Variants in DNMBP observed in about 807,000 individuals in gnomAD.
DNMBP encodes the protein dynamin-binding protein.
In DNMBP, 87 loss-of-function variants were observed where a neutral mutation model predicts 150.0. That is an observed-to-expected ratio of 0.58 (90% CI 0.49 to 0.69). DNMBP has a LOEUF of 0.69. Ranked by LOEUF, DNMBP falls within the 30% of genes least tolerant of loss-of-function variation. The pLI is 0.00. For synonymous variants in DNMBP, 711 were observed against 750.4 expected, an observed-to-expected ratio of 0.95 and a Z score of 0.86; for missense variants, 1,774 against 1,949.0, an observed-to-expected ratio of 0.91 and a Z score of 1.69.
At chr10:99,929,000 C>A (rs1337935569) in intron 4 of DNMBP, among the ~76,000 whole-genome samples, 1 of 151,828 alleles carries the variant, frequency 6.6e-6, no homozygotes, top group Non-Finnish European at 1.5e-5. Flanking sequence ...AAAAAGTAGC[C>A]GGGCATGGTG....
rs1459115509 is a variant in DNMBP at position 99,884,157 on chromosome 10, T to C, written c.3851A>G (p.Tyr1284Cys). ...EELRASLLAR[Y>C]PPEKLFQAER... ...TGCCTGGAAGAGTTTTTCAGGGGGATACCTGGCCAGGAGGGAGGCCCGGAG... is the reference window on the plus strand; with the variant it reads ...TGCCTGGAAGAGTTTTTCAGGGGGACACCTGGCCAGGAGGGAGGCCCGGAG... Residue 1284 changes from tyrosine to cysteine, a missense_variant, in exon 15 of 17, where the codon TAT (tyrosine) becomes TGT (cysteine). Transcript: ENST00000324109. The C allele has an allele frequency of 6.8e-6, 11 of 1,614,110 alleles. No individual in the cohort carries two copies. Among genetic ancestry groups the C allele is most frequent in the Non-Finnish European group, 9.3e-6 (11 of 1,180,036 alleles).
At chr10:99,973,276 C>T (rs2040697264) in intron 1 of DNMBP, among the ~76,000 whole-genome samples, 1 of 151,962 alleles carries the variant, frequency 6.6e-6, no homozygotes, top group Admixed American at 6.6e-5. Context: ...ATTTGGACCG[C>T]AAAGGAATTC....
chr10:99,878,462 A>G (rs2039309495), intron 16 of DNMBP, among the ~76,000 whole-genome samples: 1 of 152,152 alleles, frequency 6.6e-6, no homozygotes, highest in South Asian at 2.1e-4. Flanking sequence ...GTCTATAATA[A>G]CTGTCTGCTT....
At chr10:99,909,189 AGCAG>A in intron 4 of DNMBP, 43 bp from the exon 5 acceptor site, 2 of 1,522,400 alleles carry the variant, frequency 1.3e-6, no homozygotes, top group Non-Finnish European at 1.8e-6. Context: ...TGGGTGTAAA[AGCAG>A]CACCCTTCCA....
rs1564717478 is a variant in DNMBP, at chr10:99,888,851, T to C, written c.3259A>G (p.Ile1087Val). The change falls in exon 12 of 17, where the codon ATC (isoleucine) becomes GTC (valine). Residue 1087 changes from isoleucine to valine, a missense_variant. By Grantham distance (29) the Ile-to-Val change is conservative. Transcript: ENST00000324109. ...AAGTTTGTGAAGAGCTGGTCACTGATGTAGCGATGCACCCTCTCAAACTGC... is the reference window on the plus strand; with the variant it reads ...AAGTTTGTGAAGAGCTGGTCACTGACGTAGCGATGCACCCTCTCAAACTGC... Reference protein sequence around the residue: ...LEQFERVHRYISDQLFTNFKE... With the variant: ...LEQFERVHRYVSDQLFTNFKE... The C allele has an allele frequency of 6.2e-7, 1 of 1,614,136 alleles. No individual in the cohort carries two copies. The highest frequency in any genetic ancestry group is 2.2e-5 in the East Asian group (1 of 44,874).
At chr10:99,878,114 C>A (rs2039304768) in intron 16 of DNMBP, among the ~76,000 whole-genome samples, 1 of 152,210 alleles carries the variant, frequency 6.6e-6, no homozygotes, top group Non-Finnish European at 1.5e-5. Context: ...AAAAAACTAC[C>A]TTTTCAGTCT....
chr10:99,973,733 A>G (rs10883433), intron 1 of DNMBP, among the ~76,000 whole-genome samples: 70,889 of 152,070 alleles, frequency 0.47, 17,517 homozygotes, highest in African/African-American at 0.63. Context: ...TAATCCCAGC[A>G]CTTTGCGAGG....
intron 3 of DNMBP, among the ~76,000 whole-genome samples, chr10:99,968,688 CAAA>C (rs397755241): frequency 7.3e-5 from 8 of 109,264 alleles, no homozygotes; most frequent in African/African-American, 6.5e-5. Context: ...ACTACTGTCT[CAAA>C]AAAAAAAAAA....
chr10:99,942,732 T>C (rs181479488), intron 4 of DNMBP, among the ~76,000 whole-genome samples: 2 of 152,306 alleles, frequency 1.3e-5, no homozygotes, highest in African/African-American at 4.8e-5. Flanking sequence ...TTTCTTGACA[T>C]ACATTCAACC....
chr10:99,931,654 A>G (rs2040159603), intron 4 of DNMBP, among the ~76,000 whole-genome samples: 1 of 152,230 alleles, frequency 6.6e-6, no homozygotes, highest in Admixed American at 6.5e-5. Context: ...ATGAGGCCAG[A>G]AATCAAAAAG....
chr10:99,971,860 C>CTT lies in DNMBP; in HGVS notation c.145+118_145+119dup, dbSNP rs111359576. The CTT allele has an allele frequency of 1.8e-3, 1,244 of 705,666 alleles. 3 individuals are homozygous for CTT. The highest frequency in any genetic ancestry group is 2.3e-3 in the Middle Eastern group (5 of 2,170). The allele number at this position is 705,666 out of a possible 1,614,324, so 43.7% of individuals were successfully genotyped here. ...ATTTTCTTTCTTTCTTTCTTTCTTT[C>CTT]TTTTTTTTTTTTTAAGACAGGGTCT... On this transcript the variant is annotated intron_variant, in intron 2 of 16. Transcript: ENST00000324109.
intron 1 of DNMBP, among the ~76,000 whole-genome samples, chr10:99,974,512 C>T (rs2040708293): frequency 6.6e-6 from 1 of 152,124 alleles, no homozygotes; most frequent in South Asian, 2.1e-4. Context: ...TTTTTCTTTT[C>T]TTTTCTTTTT....
chr10:99,986,793 T>A (rs1456845274), intron 1 of DNMBP, among the ~76,000 whole-genome samples: 1 of 151,842 alleles, frequency 6.6e-6, no homozygotes, highest in Non-Finnish European at 1.5e-5. Context: ...GTAAAAACAG[T>A]CTATGACTCT....
Position 99,884,170 on chromosome 10 carries a change from G to C in DNMBP, c.3838C>G (p.Leu1280Val). The C allele has an allele frequency of 6.2e-7, 1 of 1,613,924 alleles. No homozygotes were observed. The highest frequency in any genetic ancestry group is 8.5e-7 in the Non-Finnish European group (1 of 1,180,030). ...TTTTCAGGGGGATACCTGGCCAGGA[G>C]GGAGGCCCGGAGTTCTTCTGACTGT... is the stretch of plus-strand genomic sequence containing the variant. ...MLQSEELRAS[L>V]LARYPPEKLF... The change falls in exon 15 of 17, where the codon CTC becomes GTC. Residue 1280 changes from leucine (L) to valine (V), a missense_variant. This residue lies in a region of DNMBP where 1,430 missense variants were observed against 1,492.5 expected (regional missense o/e 0.96). Coordinates refer to ENST00000324109, the MANE Select transcript of DNMBP (RefSeq NM_015221.4).
At chr10:99,990,285 G>A (rs2040871510) in intron 1 of DNMBP, among the ~76,000 whole-genome samples, 1 of 152,118 alleles carries the variant, frequency 6.6e-6, no homozygotes. Flanking sequence ...AGGCGTGGTG[G>A]CTCATGCCTG....
Position 99,952,559 on chromosome 10 carries a change from C to T in DNMBP, c.2260+2655G>A, listed in dbSNP as rs531221456. Among the ~76,000 whole-genome samples, 10 of 152,304 alleles carry T rather than the reference C, an allele frequency of 6.6e-5. No individual in the cohort carries two copies. The South Asian group carries it at 8.3e-4, about 13-fold the overall frequency. ...CTGCTGTTCAGTACAAGCAACCCAG[C>T]GGCCTGGCTCCCTAGCTATCCCCTA... On this transcript the variant is annotated intron_variant, in intron 4 of 16. Transcript: ENST00000324109.
intron 4 of DNMBP, among the ~76,000 whole-genome samples, chr10:99,938,480 G>A (rs1389705501): frequency 1.3e-5 from 2 of 152,192 alleles, no homozygotes; most frequent in African/African-American, 4.8e-5. Flanking sequence ...GGAGGCGGAG[G>A]TTGCAGTGAG....
At chr10:100,009,745 C>T (rs1450365125) in intron 1 of DNMBP, 93 bp downstream of exon 1, 1 of 150,432 alleles carries the variant, frequency 6.6e-6, no homozygotes, top group Non-Finnish European at 1.5e-5. Context: ...GCGCGTCTCT[C>T]GGGGTGCGGG....
At chr10:100,005,782 AAAC>A (rs1564761711) in intron 1 of DNMBP, among the ~76,000 whole-genome samples, 2 of 133,140 alleles carry the variant, frequency 1.5e-5, no homozygotes, top group African/African-American at 6.2e-5. Flanking sequence ...AAAAAAAAAA[AAAC>A]CAAACTACAT....
Sources: gnomAD v4.1 joint callset for allele counts (sites outside exome capture counted in the v4.1 genomes callset) on GRCh38, gnomAD v4.1.1 for gene constraint, gnomAD v4.1.1 regional missense constraint, MANE v1.5 for transcripts, NCBI Gene and HGNC (gene_info 2026-07-23, HGNC 2026-07-21) for gene names.